LRRC34: variants seen among roughly 807,000 people sequenced by gnomAD.
LRRC34 encodes the protein leucine rich repeat containing 34.
In LRRC34, 44 loss-of-function variants were observed where a neutral mutation model predicts 48.5. That is an observed-to-expected ratio of 0.91 (90% CI 0.71 to 1.17). The LOEUF (loss-of-function observed/expected upper bound fraction) is 1.17, where lower values mean the gene tolerates loss of function less well. Ranked by LOEUF, LRRC34 falls within the 50% of genes most tolerant of loss-of-function variation. The pLI is 0.00. For missense variants in LRRC34, 502 were observed against 563.0 expected, an observed-to-expected ratio of 0.89 and a Z score of 1.10; for synonymous variants, 192 against 197.6, an observed-to-expected ratio of 0.97 and a Z score of 0.24.
intron 8 of LRRC34, 82 bp downstream of exon 8, chr3:169,796,663 C>T (rs559211616): frequency 7.4e-6 from 10 of 1,357,238 alleles, no homozygotes; most frequent in African/African-American, 1.5e-5. Flanking sequence ...TGTCTAACAA[C>T]GTATCCCAAG....
Position 169,793,692 on chromosome 3 carries a change from A to C in LRRC34, c.1338T>G (p.Ser446=), listed in dbSNP as rs772220529. 6.2e-7 allele frequency: 1 copy of C among 1,613,752 alleles called. No homozygotes were observed. The highest frequency in any genetic ancestry group is 1.3e-5 in the African/African-American group (1 of 74,914). ...AACCTGCATTAGATGAGTGGTCATAAGATTCTCCATAAGTTGATGTCCAAT... is the reference window on the plus strand; with the variant it reads ...AACCTGCATTAGATGAGTGGTCATACGATTCTCCATAAGTTGATGTCCAAT... The part of the protein sequence containing the change: ...HYYWTSTYGE[S]YDHSSNAGFA... Residue 446 remains serine, a synonymous_variant, in exon 11 of 11, where the codon TCT becomes TCG. Coordinates refer to ENST00000446859, the MANE Select transcript of LRRC34 (RefSeq NM_001172779.2).
chr3:169,812,639 G>A lies in LRRC34; in HGVS notation c.-91C>T. On this transcript the variant is annotated 5_prime_UTR_variant, in exon 1 of 11. Coordinates refer to ENST00000446859, the MANE Select transcript of LRRC34 (RefSeq NM_001172779.2). The surrounding 1 kb of genome is among the most constrained non-coding windows in gnomAD (Gnocchi z 4.3). The stretch of plus-strand genomic sequence containing the variant: ...GCCTGCTTCGAGTCCCGCTGGCTGT[G>A]CCTGCCCGGGCCCTGAGGCCTCACT... The A allele has an allele frequency of 7.2e-7, 1 of 1,396,514 alleles. No homozygotes were observed. The highest frequency in any genetic ancestry group is 9.3e-7 in the Non-Finnish European group (1 of 1,080,632). 86.5% of individuals were successfully genotyped at this position (1,396,514 alleles called of 1,614,324 possible).
chr3:169,795,404 G>A, intron 10 of LRRC34, 81 bp downstream of exon 10: 1 of 1,421,104 alleles, frequency 7.0e-7, no homozygotes, highest in Non-Finnish European at 9.5e-7. Context: ...AACCATTTCT[G>A]AGGCACCTGT....
chr3:169,812,363 G>A lies in LRRC34; in HGVS notation c.139+47C>T, dbSNP rs1779617777. The A allele has an allele frequency of 6.7e-7, 1 of 1,493,000 alleles. No homozygotes were observed. The highest frequency in any genetic ancestry group is 2.2e-5 in the Admixed American group (1 of 45,596). 92.5% of individuals were successfully genotyped at this position (1,493,000 alleles called of 1,614,324 possible). A position where few individuals can be genotyped will look rare whatever the true frequency, so the allele number is the denominator to read the frequency against. On this transcript the variant is annotated intron_variant, in intron 1 of 10. Coordinates refer to ENST00000446859, the MANE Select transcript of LRRC34 (RefSeq NM_001172779.2). The surrounding 1 kb of genome is among the most constrained non-coding windows in gnomAD (Gnocchi z 4.3). ...GCCGTGCGACCCCGGCGCCCCTCGC[G>A]CGTTTTGTCTGGGCCAGGCCGCGCA...
chr3:169,795,991 A>G, intron 9 of LRRC34: 1 of 1,232,332 alleles, frequency 8.1e-7, no homozygotes, highest in Non-Finnish European at 1.0e-6. Flanking sequence ...AGCAATGCAA[A>G]TTTTCTCATT....
At position 169,807,648 on chromosome 3, in the gene LRRC34, CTCTT is replaced by C; in HGVS notation, c.315_318del (p.Arg106LeufsTer13). 6.3e-7 allele frequency: 1 copy of C among 1,596,954 alleles called. No homozygotes were observed. The highest frequency in any genetic ancestry group is 8.5e-7 in the Non-Finnish European group (1 of 1,171,704). ...AGAATCCAAAAATCTTCACCTGTAA[CTCTT>C]TCTACTGGCACTAAGCGATTGTTAC... On this transcript the variant is annotated frameshift_variant, in exon 3 of 11. Coordinates refer to ENST00000446859, the MANE Select transcript of LRRC34 (RefSeq NM_001172779.2). LOFTEE classifies it high-confidence loss of function.
rs765794196 is a variant in LRRC34 at position 169,808,507 on chromosome 3, T to C, written c.257+121A>G. 5.3e-5 allele frequency: 32 copies of C among 606,274 alleles called. 2 individuals carry two copies. The East Asian group carries it at 7.5e-4, about 14-fold the overall frequency. The allele number at this position is 606,274 out of a possible 1,614,324, so 37.6% of individuals were successfully genotyped here. A position where few individuals can be genotyped will look rare whatever the true frequency, so the allele number is the denominator to read the frequency against. On this transcript the variant is annotated intron_variant, in intron 2 of 10. Coordinates refer to ENST00000446859, the MANE Select transcript of LRRC34 (RefSeq NM_001172779.2). ...CGTGTACTTACTTACCTGAATCAAATGGTATGTTCATTTTACCAAGCATTT... is the reference window on the plus strand; with the variant it reads ...CGTGTACTTACTTACCTGAATCAAACGGTATGTTCATTTTACCAAGCATTT...
In LRRC34 at chr3:169,812,377, C is replaced by T. The variant is rs1330816221; in HGVS notation, c.139+33G>A. 2 of 1,517,374 alleles carry T rather than the reference C, an allele frequency of 1.3e-6. No individual in the cohort carries two copies. The highest frequency in any genetic ancestry group is 2.4e-5 in the South Asian group (2 of 82,762). The allele number at this position is 1,517,374 out of a possible 1,614,324, so 94.0% of individuals were successfully genotyped here. A position where few individuals can be genotyped will look rare whatever the true frequency, so the allele number is the denominator to read the frequency against. On this transcript the variant is annotated intron_variant, in intron 1 of 10. Coordinates refer to ENST00000446859, the MANE Select transcript of LRRC34 (RefSeq NM_001172779.2). The surrounding 1 kb of genome is among the most constrained non-coding windows in gnomAD (Gnocchi z 4.3). ...GCGCCCCTCGCGCGTTTTGTCTGGG[C>T]CAGGCCGCGCAGACGTGCTCCCTAC...
chr3:169,803,556 G>A (rs991923160), intron 6 of LRRC34, among the ~76,000 whole-genome samples: 17 of 152,090 alleles, frequency 1.1e-4, no homozygotes, highest in Admixed American at 6.5e-5. Flanking sequence ...TCAGCCTCCT[G>A]AGTAACTGGG....
intron 9 of LRRC34, chr3:169,795,989 A>C: frequency 8.1e-7 from 1 of 1,232,176 alleles, no homozygotes; most frequent in Non-Finnish European, 1.0e-6. Context: ...TAAGCAATGC[A>C]AATTTTCTCA....
intron 7 of LRRC34, among the ~76,000 whole-genome samples, chr3:169,798,443 AAC>A (rs1779073309): frequency 6.6e-6 from 1 of 152,216 alleles, no homozygotes; most frequent in Non-Finnish European, 1.5e-5. Flanking sequence ...ACGGTAATAA[AAC>A]AGTAAAACCC....
chr3:169,793,535 AAGT>A lies in LRRC34; in HGVS notation c.*97_*99del. 1.1e-6 allele frequency: 1 copy of A among 871,876 alleles called. No homozygotes were observed. The highest frequency in any genetic ancestry group is 1.9e-5 in the South Asian group (1 of 52,378). 54.0% of individuals were successfully genotyped at this position (871,876 alleles called of 1,614,324 possible). Reference sequence around the variant, plus strand: ...TCATTATCTTTTACACATTTGAAAAAAGTAACTTGTTTTAATTTATAAAAGAAA... The same window carrying A: ...TCATTATCTTTTACACATTTGAAAAAAACTTGTTTTAATTTATAAAAGAAA... On this transcript the variant is annotated 3_prime_UTR_variant, in exon 11 of 11. Transcript: ENST00000446859.
rs563789857 is a variant in LRRC34, at chr3:169,803,967, C to T, written c.657+86G>A. 436 of 1,321,634 alleles carry T rather than the reference C, an allele frequency of 3.3e-4. 3 individuals carry two copies. In the South Asian group the frequency reaches 7.9e-3, roughly 24 times the overall value. The allele number at this position is 1,321,634 out of a possible 1,614,324, so 81.9% of individuals were successfully genotyped here. ...TTTCTCTGATATTAGACATAAGAGG[C>T]AAAATTAATCATTCATAAGACTCTG... On this transcript the variant is annotated intron_variant, in intron 6 of 10. Coordinates refer to ENST00000446859, the MANE Select transcript of LRRC34 (RefSeq NM_001172779.2).
Position 169,804,124 on chromosome 3 carries a change from C to T in LRRC34, c.586G>A (p.Gly196Arg), listed in dbSNP as rs148554793. ...TGCAGCATTGCAGCAAAAAACATTC[C>T]ACCTTTATTTTCAATTTTGTTTCCA... ...MTGNKIENKG[G>R]MFFAAMLQIN... Residue 196 changes from glycine to arginine, a missense_variant, in exon 6 of 11, where the codon GGA (glycine) becomes AGA (arginine). Coordinates refer to ENST00000446859, the MANE Select transcript of LRRC34 (RefSeq NM_001172779.2). 1.9e-6 allele frequency: 3 copies of T among 1,606,098 alleles called. No individual in the cohort carries two copies. In the East Asian group the frequency reaches 6.7e-5, roughly 36 times the overall value.
intron 5 of LRRC34, 98 bp downstream of exon 5, chr3:169,806,749 TA>T (rs903168382): frequency 3.0e-6 from 2 of 658,840 alleles, no homozygotes; most frequent in African/African-American, 1.8e-5. Context: ...CCTACAATAT[TA>T]AAATAAGTTC....
chr3:169,807,281 C>T, intron 4 of LRRC34, 145 bp downstream of exon 4: 1 of 783,238 alleles, frequency 1.3e-6, no homozygotes, highest in South Asian at 1.9e-5. Context: ...ACCAAATCCA[C>T]AATGGGTTTC....
Position 169,796,852 on chromosome 3 carries a change from A to G in LRRC34, c.801T>C (p.Cys267=), listed in dbSNP as rs373594080. 81 of 1,607,962 alleles carry G rather than the reference A, an allele frequency of 5.0e-5. No homozygotes were observed. In the South Asian group the frequency reaches 7.4e-4, roughly 15 times the overall value. Residue 267 remains cysteine (C), a synonymous_variant, in exon 8 of 11, where the codon TGT becomes TGC. Transcript: ENST00000446859. ...HVGRMLKENH[C]LVALHMCKHD... is the part of the protein sequence containing the mutation. ...GCTTACACATGTGTAGTGCAACAAG[A>G]CAGTGATTTTCTTTCAACATGCGGC... is the stretch of plus-strand genomic sequence containing the variant.
intron 4 of LRRC34, 106 bp from the exon 5 acceptor site, chr3:169,807,037 G>T: frequency 1.8e-6 from 1 of 545,026 alleles, no homozygotes; most frequent in East Asian, 3.1e-5. Context: ...ATTTGAATAA[G>T]TGTTTTCCTC....
At position 169,812,350 on chromosome 3, in the gene LRRC34, C is replaced by T; in HGVS notation, c.139+60G>A. 1 of 1,476,178 alleles carries T rather than the reference C, an allele frequency of 6.8e-7. No homozygotes were observed. Among genetic ancestry groups the T allele is most frequent in the Non-Finnish European group, 8.9e-7 (1 of 1,120,196 alleles). 91.4% of individuals were successfully genotyped at this position (1,476,178 alleles called of 1,614,324 possible). A position where few individuals can be genotyped will look rare whatever the true frequency, so the allele number is the denominator to read the frequency against. On this transcript the variant is annotated intron_variant, in intron 1 of 10. Transcript: ENST00000446859. The surrounding 1 kb of genome is among the most constrained non-coding windows in gnomAD (Gnocchi z 4.3). ...TGGGAGGACTCCTGCCGTGCGACCCCGGCGCCCCTCGCGCGTTTTGTCTGG... is the reference window on the plus strand; with the variant it reads ...TGGGAGGACTCCTGCCGTGCGACCCTGGCGCCCCTCGCGCGTTTTGTCTGG...
Sources: allele counts gnomAD v4.1 joint callset (sites outside exome capture counted in the v4.1 genomes callset), GRCh38; gene constraint gnomAD v4.1.1; non-coding constraint Gnocchi (gnomAD v3.1); transcripts MANE v1.5; gene names NCBI Gene and HGNC (gene_info 2026-07-23, HGNC 2026-07-21).